HPSE: variants seen among roughly 807,000 people sequenced by gnomAD.
HPSE encodes the protein heparanase.
In HPSE, 48 loss-of-function variants were observed where a neutral mutation model predicts 65.1. The ratio of observed to expected loss-of-function variants is 0.74; its 90% CI spans 0.58 to 0.94. The LOEUF is 0.94. HPSE is among the 40% of genes least tolerant of loss of function. The pLI is 0.00. For synonymous variants in HPSE, 243 were observed against 260.0 expected (o/e 0.93, Z 0.63); for missense variants, 644 against 637.5 (o/e 1.01, Z -0.11).
intron 9 of HPSE, among the ~76,000 whole-genome samples, chr4:83,304,001 A>G (rs963735869): frequency 1.9e-5 from 2 of 102,598 alleles, no homozygotes; most frequent in Non-Finnish European, 4.2e-5. Flanking sequence ...GACCTCTGTA[A>G]CAAGACAGAA....
chr4:83,296,987 T>C (rs888400727), intron 11 of HPSE, among the ~76,000 whole-genome samples: 15 of 152,218 alleles, frequency 9.9e-5, no homozygotes, highest in Admixed American at 3.9e-4. Context: ...TAAGTGTGGT[T>C]CCATAAAATG....
Position 83,300,805 on chromosome 4 carries a change from A to G in HPSE, c.1472+155T>C, listed in dbSNP as rs1296349811. On this transcript the variant is annotated intron_variant, in intron 11 of 11. Coordinates refer to ENST00000311412, the MANE Select transcript of HPSE (RefSeq NM_001098540.3). ...ACTCCAGCCTGGGCGACAGAGCGAG[A>G]CTCCGTCTCAAAAAAAAAAAAAAAA... 1.6e-5 allele frequency among the ~76,000 whole-genome samples: 2 copies of G among 123,384 alleles called. 1 individual carries two copies. Among genetic ancestry groups the G allele is most frequent in the Non-Finnish European group, 3.5e-5 (2 of 57,954 alleles). The allele number at this position is 123,384 out of a possible 152,430, so 80.9% of individuals were successfully genotyped here.
chr4:83,313,267 A>G lies in HPSE; in HGVS notation c.520T>C (p.Tyr174His), dbSNP rs1426747022. The change falls in exon 4 of 12, where the codon TAC (tyrosine) becomes CAC (histidine). Residue 174 changes from tyrosine (Y) to histidine (H), a missense_variant. Transcript: ENST00000311412. ...AGTCCTGAGCAGTTTGCAAAAGTGTATAGCACATCTACAGAGCTTCCTAAA... is the reference window on the plus strand; with the variant it reads ...AGTCCTGAGCAGTTTGCAAAAGTGTGTAGCACATCTACAGAGCTTCCTAAA... ...TYSRSSVDVL[Y>H]TFANCSGLDL... 4 of 1,613,450 alleles carry G rather than the reference A, an allele frequency of 2.5e-6. No homozygotes were observed. Among genetic ancestry groups the G allele is most frequent in the Non-Finnish European group, 3.4e-6 (4 of 1,179,746 alleles).
intron 9 of HPSE, among the ~76,000 whole-genome samples, chr4:83,304,773 T>G (rs918389960): frequency 6.6e-6 from 1 of 152,246 alleles, no homozygotes; most frequent in Admixed American, 6.5e-5. Context: ...TTTGTTTCTC[T>G]GCTTAAATTC....
rs1484159261 is a variant in HPSE, at chr4:83,313,156, A to T, written c.631T>A (p.Cys211Ser). Residue 211 changes from cysteine (C) to serine (S), a missense_variant, in exon 4 of 12, where the codon TGC becomes AGC. Coordinates refer to ENST00000311412, the MANE Select transcript of HPSE (RefSeq NM_001098540.3). Reference protein sequence around the residue: ...SSNAQLLLDYCSSKGYNISWE... With the variant: ...SSNAQLLLDYSSSKGYNISWE... ...GAAATGTTATACCCCTTGGAAGAGC[A>T]GTAGTCCAGGAGCAACTGAGCATTA... is the stretch of plus-strand genomic sequence containing the variant. 6.2e-7 allele frequency: 1 copy of T among 1,613,856 alleles called. No homozygotes were observed. The highest frequency in any genetic ancestry group is 2.2e-5 in the East Asian group (1 of 44,884).
rs184961893 is a variant in HPSE, at chr4:83,313,106, G to T, written c.673+8C>A. 7,499 of 1,576,334 alleles carry T rather than the reference G, an allele frequency of 4.8e-3. 33 individuals are homozygous for T. The highest frequency in any genetic ancestry group is 5.7e-3 in the Non-Finnish European group (6,590 of 1,147,904). ...CCTTATTAATGAATTGTTCCCTGGGGTACTCACCATTGCCTAGTTCCCAAG... is the reference window on the plus strand; with the variant it reads ...CCTTATTAATGAATTGTTCCCTGGGTTACTCACCATTGCCTAGTTCCCAAG... On this transcript the variant is annotated splice_region_variant and intron_variant, in intron 4 of 11. Coordinates refer to ENST00000311412, the MANE Select transcript of HPSE (RefSeq NM_001098540.3).
At chr4:83,322,391 T>TA in intron 1 of HPSE, 27 bp from the exon 2 acceptor site, 1 of 1,583,354 alleles carries the variant, frequency 6.3e-7, no homozygotes, top group Non-Finnish European at 8.6e-7. Flanking sequence ...CAAGAAAGTA[T>TA]AACTATTTTT....
At chr4:83,321,144 G>A (rs926799078) in intron 2 of HPSE, among the ~76,000 whole-genome samples, 4 of 152,172 alleles carry the variant, frequency 2.6e-5, no homozygotes, top group African/African-American at 9.7e-5. Flanking sequence ...GCTGCAGTGG[G>A]CCATGCTTGT....
intron 2 of HPSE, among the ~76,000 whole-genome samples, chr4:83,320,028 T>TAA (rs58369674): frequency 3.7e-5 from 4 of 107,976 alleles, no homozygotes; most frequent in Non-Finnish European, 3.7e-5. Flanking sequence ...AGACACTGTC[T>TAA]AAAAAAAAAA....
In HPSE at chr4:83,313,268, T is replaced by C; in HGVS notation, c.519A>G (p.Leu173=). Reference sequence around the variant, plus strand: ...GTCCTGAGCAGTTTGCAAAAGTGTATAGCACATCTACAGAGCTTCCTAAAA... The same window carrying C: ...GTCCTGAGCAGTTTGCAAAAGTGTACAGCACATCTACAGAGCTTCCTAAAA... ...STYSRSSVDV[L]YTFANCSGLD... Residue 173 remains leucine (L), a synonymous_variant, in exon 4 of 12, where the codon CTA becomes CTG. Transcript: ENST00000311412. 2 of 1,613,342 alleles carry C rather than the reference T, an allele frequency of 1.2e-6. No individual in the cohort carries two copies. The highest frequency in any genetic ancestry group is 1.7e-6 in the Non-Finnish European group (2 of 1,179,726).
Position 83,314,845 on chromosome 4 carries a change from A to G in HPSE, c.500-1558T>C, listed in dbSNP as rs144418515. Among the ~76,000 whole-genome samples, 852 of 152,294 alleles carry G rather than the reference A, an allele frequency of 5.6e-3. 8 individuals carry two copies. The highest frequency in any genetic ancestry group is 0.01 in the Middle Eastern group (3 of 294). On this transcript the variant is annotated intron_variant, in intron 3 of 11. Transcript: ENST00000311412. ...TTTGGCCTGAATTACTTGAATAACT[A>G]TAGAATAATATTAAATATTAGCTAT...
intron 11 of HPSE, among the ~76,000 whole-genome samples, chr4:83,296,754 T>C (rs1020887965): frequency 6.6e-6 from 1 of 152,042 alleles, no homozygotes; most frequent in Non-Finnish European, 1.5e-5. Context: ...AGGTAATACA[T>C]GTAAAGTATG....
intron 9 of HPSE, among the ~76,000 whole-genome samples, 200 bp downstream of exon 9, chr4:83,306,003 T>G (rs1472019956): frequency 6.6e-6 from 1 of 152,178 alleles, no homozygotes; most frequent in Non-Finnish European, 1.5e-5. Context: ...CTTTAAAAAG[T>G]TATTCCTAGC....
At chr4:83,310,950 A>G (rs1219259471) in intron 4 of HPSE, 60 bp from the exon 5 acceptor site, 6 of 1,357,876 alleles carry the variant, frequency 4.4e-6, no homozygotes, top group Non-Finnish European at 6.1e-6. Context: ...AAGCAAACAT[A>G]TAGCAGTATT....
intron 3 of HPSE, among the ~76,000 whole-genome samples, chr4:83,319,045 G>A (rs1345316402): frequency 1.3e-5 from 2 of 152,104 alleles, no homozygotes; most frequent in Non-Finnish European, 2.9e-5. Context: ...TTTACATGAG[G>A]AATATATTCA....
chr4:83,333,647 T>C (rs1332684432), intron 1 of HPSE, among the ~76,000 whole-genome samples: 1 of 152,200 alleles, frequency 6.6e-6, no homozygotes, highest in African/African-American at 2.4e-5. Context: ...GCAGGAGCCC[T>C]GAACCTGCAT....
Position 83,322,377 on chromosome 4 carries a change from C to T in HPSE, c.228-13G>A. The T allele has an allele frequency of 1.3e-6, 2 of 1,593,930 alleles. No individual in the cohort carries two copies. The highest frequency in any genetic ancestry group is 1.7e-6 in the Non-Finnish European group (2 of 1,172,364). The stretch of plus-strand genomic sequence containing the variant: ...AAGCTTTGGAGAACTGTTAGGAAGA[C>T]AAGCAAGAAAGTATAACTATTTTTT... On this transcript the variant is annotated splice_polypyrimidine_tract_variant and intron_variant, in intron 1 of 11. Coordinates refer to ENST00000311412, the MANE Select transcript of HPSE (RefSeq NM_001098540.3).
In HPSE at chr4:83,295,112, A is replaced by G. The variant is rs780546494; in HGVS notation, c.*232T>C. The G allele has an allele frequency of 3.7e-6, 1 of 272,306 alleles. No individual in the cohort carries two copies. The highest frequency in any genetic ancestry group is 6.8e-6 in the Non-Finnish European group (1 of 146,976). The allele number at this position is 272,306 out of a possible 1,614,324, so 16.9% of individuals were successfully genotyped here. A position where few individuals can be genotyped will look rare whatever the true frequency, so the allele number is the denominator to read the frequency against. The stretch of plus-strand genomic sequence containing the variant: ...ACAAAACTTTAGATAAAAGTAAAAC[A>G]TGCAAAATGCTAAGCAGTATTTGGA... On this transcript the variant is annotated 3_prime_UTR_variant, in exon 12 of 12. Transcript: ENST00000311412.
At chr4:83,313,663 C>T (rs1303622701) in intron 3 of HPSE, among the ~76,000 whole-genome samples, 1 of 152,094 alleles carries the variant, frequency 6.6e-6, no homozygotes, top group Non-Finnish European at 1.5e-5. Flanking sequence ...TCTCTAGTCA[C>T]AAGTTCAGTT....
Sources: allele counts gnomAD v4.1 joint callset (sites outside exome capture counted in the v4.1 genomes callset), GRCh38; gene constraint gnomAD v4.1.1; transcripts MANE v1.5; gene names NCBI Gene and HGNC (gene_info 2026-07-23, HGNC 2026-07-21).